Variants in KDM5A observed in about 807,000 individuals in gnomAD.
KDM5A encodes lysine-specific demethylase 5A.
KDM5A carries 42 observed loss-of-function variants against 193.5 expected under a neutral mutation model. The ratio of observed to expected loss-of-function variants is 0.22; its 90% confidence interval spans 0.17 to 0.28. The LOEUF (loss-of-function observed/expected upper bound fraction) is 0.28. Among genes scored for constraint, KDM5A ranks in the 10% least tolerant of loss-of-function variants. KDM5A has a pLI of 1.00. For synonymous variants in KDM5A, 796 were observed against 718.1 expected, an observed-to-expected ratio of 1.11 and a Z score of -1.73; for missense variants, 1,692 against 2,055.1, an observed-to-expected ratio of 0.82 and a Z score of 3.42.
Position 292,798 on chromosome 12 carries a change from C to T in KDM5A, c.4827G>A (p.Val1609=), listed in dbSNP as rs1396144463. 1.2e-6 allele frequency: 2 copies of T among 1,614,082 alleles called. No individual in the cohort carries two copies. The highest frequency in any genetic ancestry group is 1.7e-5 in the Admixed American group (1 of 60,012). ...GAEESDDENA[V]CAAQNCQRPC... is the part of the protein sequence containing the mutation. Reference sequence around the variant, plus strand: ...GCCTTTGGCAGTTCTGTGCTGCGCACACAGCATTCTCATCATCAGACTCCT... The same window carrying T: ...GCCTTTGGCAGTTCTGTGCTGCGCATACAGCATTCTCATCATCAGACTCCT... Residue 1609 remains valine (V), a synonymous_variant, in exon 27 of 28, where the codon GTG becomes GTA. Transcript: ENST00000399788.
At chr12:384,003 C>G in intron 3 of KDM5A, 28 bp downstream of exon 3, 2 of 1,610,694 alleles carry the variant, frequency 1.2e-6, no homozygotes, top group Non-Finnish European at 1.7e-6. Context: ...AGCCTGTGCT[C>G]TAATTTCTAA....
At chr12:294,684 TG>T (rs1040996200) in intron 26 of KDM5A, among the ~76,000 whole-genome samples, 18 of 152,200 alleles carry the variant, frequency 1.2e-4, no homozygotes, top group Admixed American at 9.8e-4. Flanking sequence ...TTCCATTACA[TG>T]GAAAGAAGGA....
chr12:311,089 C>T, intron 20 of KDM5A, 25 bp from the exon 21 acceptor site: 1 of 1,612,812 alleles, frequency 6.2e-7, no homozygotes, highest in Non-Finnish European at 8.5e-7. Flanking sequence ...TAGATTCTCA[C>T]AATTTGAGTT....
At chr12:380,339 CAG>C (rs1171093591) in intron 3 of KDM5A, among the ~76,000 whole-genome samples, 1 of 151,698 alleles carries the variant, frequency 6.6e-6, no homozygotes. Context: ...AAATCACTGA[CAG>C]AGAAAGTTTC....
intron 3 of KDM5A, among the ~76,000 whole-genome samples, chr12:378,009 A>G (rs1335933585): frequency 6.6e-6 from 1 of 152,244 alleles, no homozygotes; most frequent in Non-Finnish European, 1.5e-5. Context: ...AATAAAAATT[A>G]ATGTAACTAC....
At chr12:386,112 G>C in intron 1 of KDM5A, 138 bp from the exon 2 acceptor site, 3 of 656,792 alleles carry the variant, frequency 4.6e-6, no homozygotes, top group Non-Finnish European at 8.2e-6. Context: ...TATAGAGACA[G>C]AATGAGCAAT....
intron 5 of KDM5A, 98 bp from the exon 6 acceptor site, chr12:356,635 G>C: frequency 1.3e-6 from 1 of 764,998 alleles, no homozygotes; most frequent in Non-Finnish European, 2.3e-6. Flanking sequence ...CAACACGGAA[G>C]AACAAATTAT....
chr12:362,936 A>G (rs375947240), intron 5 of KDM5A, 27 bp downstream of exon 5: 28 of 1,612,002 alleles, frequency 1.7e-5, no homozygotes, highest in Non-Finnish European at 2.3e-5. Flanking sequence ...TTATTTAAAA[A>G]TTTAAAAAAG....
In KDM5A at chr12:334,271, T is replaced by A; in HGVS notation, c.1460A>T (p.His487Leu). The change falls in exon 11 of 28, where the codon CAC becomes CTC. Residue 487 changes from histidine to leucine, a missense_variant. By Grantham distance (99) the His-to-Leu change is moderately conservative. Around this residue, in one of 11 missense-constraint regions of KDM5A, gnomAD observed 172 missense variants for 260.3 expected, o/e 0.66. Transcript: ENST00000399788. The part of the protein sequence containing the change: ...FSSFCWHIED[H>L]WSYSINYLHW... Reference sequence around the variant, plus strand: ...CAAGTAGTTGATGGAATAACTCCAGTGATCCTCAATGTGCCAGCAAAAAGA... The same window carrying A: ...CAAGTAGTTGATGGAATAACTCCAGAGATCCTCAATGTGCCAGCAAAAAGA... The A allele has an allele frequency of 6.2e-7, 1 of 1,614,188 alleles. No homozygotes were observed. The highest frequency in any genetic ancestry group is 8.5e-7 in the Non-Finnish European group (1 of 1,180,008).
Position 388,964 on chromosome 12 carries a change from G to A in KDM5A, c.128C>T (p.Ala43Val), listed in dbSNP as rs375002673. 10 of 1,614,060 alleles carry A rather than the reference G, an allele frequency of 6.2e-6. No individual in the cohort carries two copies. Among genetic ancestry groups the A allele is most frequent in the Non-Finnish European group, 7.6e-6 (9 of 1,180,046 alleles). The change falls in exon 1 of 28, where the codon GCG becomes GTG. Residue 43 changes from alanine to valine, a missense_variant. Physicochemically the swap from Ala to Val is moderately conservative, Grantham distance 64 (BLOSUM62 0). Coordinates refer to ENST00000399788, the MANE Select transcript of KDM5A (RefSeq NM_001042603.3). ...AATTTTGCAGATGCCGGTTTTCTCC[G>A]CCAAAGGCCGGATGCGGCCGATAAA... Reference protein sequence around the residue: ...LSFIGRIRPLAEKTGICKIRP... With the variant: ...LSFIGRIRPLVEKTGICKIRP...
intron 19 of KDM5A, among the ~76,000 whole-genome samples, chr12:314,549 G>A (rs556556083): frequency 6.6e-6 from 1 of 152,274 alleles, no homozygotes; most frequent in South Asian, 2.1e-4. Flanking sequence ...ATGATGCTCT[G>A]TGGTAAGTGT....
chr12:310,449 A>G lies in KDM5A; in HGVS notation c.3216+436T>C, dbSNP rs1943569406. Among the ~76,000 whole-genome samples the G allele has an allele frequency of 2.0e-5, 3 of 152,166 alleles. 1 individual carries two copies. Among genetic ancestry groups the G allele is most frequent in the Non-Finnish European group, 4.4e-5 (3 of 68,020 alleles). On this transcript the variant is annotated intron_variant, in intron 21 of 27. Coordinates refer to ENST00000399788, the MANE Select transcript of KDM5A (RefSeq NM_001042603.3). ...GGAGTTCAAGACCAGCCCAGGCAACATGATGAAATCCCATCTCCACCAAAA... is the reference window on the plus strand; with the variant it reads ...GGAGTTCAAGACCAGCCCAGGCAACGTGATGAAATCCCATCTCCACCAAAA...
chr12:295,466 G>T, intron 26 of KDM5A, 107 bp downstream of exon 26: 1 of 1,053,842 alleles, frequency 9.5e-7, no homozygotes, highest in African/African-American at 1.6e-5. Flanking sequence ...AAGTAGACCA[G>T]CCAGATTACT....
At chr12:377,733 G>A (rs754927551) in intron 3 of KDM5A, among the ~76,000 whole-genome samples, 15 of 152,266 alleles carry the variant, frequency 9.9e-5, no homozygotes, top group Middle Eastern at 6.8e-3. Context: ...TCACCAAAAT[G>A]AGAGTAAACC....
At chr12:287,497 C>CA (rs58615505) in intron 27 of KDM5A, among the ~76,000 whole-genome samples, 23,059 of 121,726 alleles carry the variant, frequency 0.19, 1,977 homozygotes, top group Non-Finnish European at 0.24. Context: ...AATCAGAGAC[C>CA]AAAAAAAAAA....
chr12:331,663 C>T (rs1267935644), intron 13 of KDM5A, among the ~76,000 whole-genome samples, 156 bp downstream of exon 13: 1 of 152,214 alleles, frequency 6.6e-6, no homozygotes, highest in Admixed American at 6.5e-5. Context: ...TGATGGAAAT[C>T]TACTTAGCTT....
chr12:351,974 G>GGC (rs1944165425), intron 9 of KDM5A, among the ~76,000 whole-genome samples: 3 of 151,818 alleles, frequency 2.0e-5, no homozygotes, highest in Non-Finnish European at 4.4e-5. Context: ...TATGGTGGCA[G>GGC]GCGCCTGCAG....
rs1006184937 is a variant in KDM5A at position 363,216 on chromosome 12, A to C, written c.538-119T>G. 3 of 1,157,148 alleles carry C rather than the reference A, an allele frequency of 2.6e-6. 1 individual carries two copies. Among genetic ancestry groups the C allele is most frequent in the South Asian group, 2.6e-5 (2 of 78,112 alleles). The allele number at this position is 1,157,148 out of a possible 1,614,324, so 71.7% of individuals were successfully genotyped here. A position where few individuals can be genotyped will look rare whatever the true frequency, so the allele number is the denominator to read the frequency against. The stretch of plus-strand genomic sequence containing the variant: ...TAAAACTAGACCGCAATTATTTCTC[A>C]AACTGACATACAGCTATCCCTACCA... On this transcript the variant is annotated intron_variant, in intron 4 of 27. Transcript: ENST00000399788.
At chr12:365,471 G>A (rs578183264) in intron 4 of KDM5A, among the ~76,000 whole-genome samples, 106 of 152,312 alleles carry the variant, frequency 7.0e-4, no homozygotes, top group African/African-American at 2.2e-3. Flanking sequence ...GCCAGAAAGC[G>A]GGTCAGGAAT....
Sources: allele counts gnomAD v4.1 joint callset (sites outside exome capture counted in the v4.1 genomes callset), GRCh38; gene constraint gnomAD v4.1.1; regional missense constraint gnomAD v4.1.1; transcripts MANE v1.5; gene names NCBI Gene and HGNC (gene_info 2026-07-23, HGNC 2026-07-21).